ALDH18A1: variants seen among roughly 807,000 people sequenced by gnomAD.
ALDH18A1 encodes the protein delta-1-pyrroline-5-carboxylate synthase.
In ALDH18A1, 44 loss-of-function variants were observed where a neutral mutation model predicts 88.8. That is an observed-to-expected ratio of 0.50 (90% CI 0.39 to 0.64). The LOEUF (loss-of-function observed/expected upper bound fraction) is 0.64, where lower values mean the gene tolerates loss of function less well. ALDH18A1 is among the 30% of genes least tolerant of loss of function. The pLI is 0.00. For synonymous variants in ALDH18A1, 331 were observed against 372.1 expected (o/e 0.89, Z 1.27); for missense variants, 782 against 1,009.5 (o/e 0.77, Z 3.05).
At chr10:95,607,167 T>C (rs909191215) in intron 17 of ALDH18A1, among the ~76,000 whole-genome samples, 3 of 152,230 alleles carry the variant, frequency 2.0e-5, no homozygotes, top group African/African-American at 7.2e-5. Context: ...TGTGGACTCT[T>C]CTTCTGTATT....
chr10:95,614,231 CT>C, intron 13 of ALDH18A1, 70 bp from the exon 14 acceptor site: 2 of 1,490,396 alleles, frequency 1.3e-6, no homozygotes, highest in Non-Finnish European at 1.9e-6. Flanking sequence ...AGCAGCTTCC[CT>C]TTTACAGATA....
At chr10:95,638,330 G>C (rs1043115803) in intron 3 of ALDH18A1, among the ~76,000 whole-genome samples, 1 of 152,180 alleles carries the variant, frequency 6.6e-6, no homozygotes, top group African/African-American at 2.4e-5. Flanking sequence ...GCCTAAGTAA[G>C]ACATTTTTAA....
In ALDH18A1 at chr10:95,613,814, A is replaced by G; in HGVS notation, c.1851T>C (p.Thr617=). ...EYPAACNALE[T]LLIHRDLLRT... ...TGAGCAGATCCCGGTGGATTAACAA[A>G]GTCTCCAAAGCATTACAGGCAGCTG... Residue 617 remains threonine (T), a synonymous_variant, in exon 15 of 18, where the codon ACT becomes ACC. Transcript: ENST00000371224. 6.2e-7 allele frequency: 1 copy of G among 1,614,166 alleles called. No individual in the cohort carries two copies. Among genetic ancestry groups the G allele is most frequent in the South Asian group, 1.1e-5 (1 of 91,082 alleles).
intron 13 of ALDH18A1, among the ~76,000 whole-genome samples, chr10:95,614,635 C>G (rs542095299): frequency 1.2e-4 from 19 of 152,262 alleles, no homozygotes; most frequent in African/African-American, 4.3e-4. Context: ...GCTAGGGAGT[C>G]ATGGTTCTCA....
At chr10:95,641,002 C>G (rs1194706356) in intron 3 of ALDH18A1, among the ~76,000 whole-genome samples, 1 of 152,144 alleles carries the variant, frequency 6.6e-6, no homozygotes. Flanking sequence ...TTGTCTCCTC[C>G]CTGGCCCACA....
At chr10:95,647,283 G>C (rs1172544124) in intron 2 of ALDH18A1, among the ~76,000 whole-genome samples, 1 of 152,164 alleles carries the variant, frequency 6.6e-6, no homozygotes, top group African/African-American at 2.4e-5. Context: ...GAGTAAAAAG[G>C]ACAAGTGTTG....
At chr10:95,644,669 G>A (rs372305762) in intron 2 of ALDH18A1, among the ~76,000 whole-genome samples, 6 of 152,340 alleles carry the variant, frequency 3.9e-5, no homozygotes, top group African/African-American at 1.4e-4. Context: ...CCAGTCGAAA[G>A]ACTACATTTC....
chr10:95,636,918 T>C (rs1035685903), intron 5 of ALDH18A1, among the ~76,000 whole-genome samples, 175 bp downstream of exon 5: 4 of 152,184 alleles, frequency 2.6e-5, no homozygotes, highest in African/African-American at 7.2e-5. Context: ...ACTGATATTA[T>C]CCCCATTTTC....
intron 2 of ALDH18A1, among the ~76,000 whole-genome samples, chr10:95,644,185 G>A (rs2097897097): frequency 6.6e-6 from 1 of 152,166 alleles, no homozygotes; most frequent in Admixed American, 6.5e-5. Context: ...AGCAAAGACA[G>A]TAAAGAACAA....
At chr10:95,617,415 T>C (rs2139555632) in intron 12 of ALDH18A1, among the ~76,000 whole-genome samples, 1 of 152,318 alleles carries the variant, frequency 6.6e-6, no homozygotes. Flanking sequence ...GGCCTTGGAA[T>C]TGTTCTGAGA....
chr10:95,625,094 ATCTTGT>A (rs1304360142), intron 11 of ALDH18A1, among the ~76,000 whole-genome samples: 1 of 152,130 alleles, frequency 6.6e-6, no homozygotes, highest in Non-Finnish European at 1.5e-5. Flanking sequence ...GGGGTTCTCA[ATCTTGT>A]TCTTTTTTGT....
chr10:95,621,298 C>T (rs1213027720), intron 11 of ALDH18A1, 47 bp from the exon 12 acceptor site: 2 of 1,477,960 alleles, frequency 1.4e-6, no homozygotes, highest in African/African-American at 2.8e-5. Context: ...ACCTGGCAGG[C>T]TACAGCTACC....
intron 15 of ALDH18A1, among the ~76,000 whole-genome samples, chr10:95,613,438 AT>A (rs2097839151): frequency 6.6e-6 from 1 of 151,962 alleles, no homozygotes; most frequent in Non-Finnish European, 1.5e-5. Flanking sequence ...AACACCTTGC[AT>A]ATATAAGGTT....
At chr10:95,649,046 A>G (rs1296535820) in intron 2 of ALDH18A1, among the ~76,000 whole-genome samples, 2 of 150,618 alleles carry the variant, frequency 1.3e-5, no homozygotes, top group Non-Finnish European at 2.9e-5. Context: ...TTGGCAAGTC[A>G]TCTTGCAATG....
At chr10:95,650,814 T>A (rs1466903149) in intron 2 of ALDH18A1, among the ~76,000 whole-genome samples, 2 of 148,972 alleles carry the variant, frequency 1.3e-5, no homozygotes, top group Admixed American at 6.7e-5. Context: ...TTCAATAGTT[T>A]AAAAAAAAAA....
At chr10:95,646,461 A>T (rs2097901541) in intron 2 of ALDH18A1, among the ~76,000 whole-genome samples, 1 of 152,118 alleles carries the variant, frequency 6.6e-6, no homozygotes, top group South Asian at 2.1e-4. Context: ...GTCACCACTA[A>T]CAACAAGGTT....
At chr10:95,619,244 C>T (rs576431678) in intron 12 of ALDH18A1, among the ~76,000 whole-genome samples, 2 of 152,172 alleles carry the variant, frequency 1.3e-5, no homozygotes, top group South Asian at 4.1e-4. Context: ...ATGTGAAGGA[C>T]CTCTTCAAGG....
chr10:95,613,616 C>T, intron 15 of ALDH18A1, 126 bp downstream of exon 15: 1 of 1,307,436 alleles, frequency 7.6e-7, no homozygotes, highest in Non-Finnish European at 1.1e-6. Flanking sequence ...TAGCATGGAA[C>T]TTTGTACACA....
At chr10:95,639,113 C>G (rs1010006443) in intron 3 of ALDH18A1, among the ~76,000 whole-genome samples, 1 of 152,060 alleles carries the variant, frequency 6.6e-6, no homozygotes, top group Non-Finnish European at 1.5e-5. Context: ...GGGACGACTG[C>G]TTGAGGCCAG....
Sources: gnomAD v4.1 joint callset for allele counts (sites outside exome capture counted in the v4.1 genomes callset) on GRCh38, gnomAD v4.1.1 for gene constraint, MANE v1.5 for transcripts, NCBI Gene and HGNC (gene_info 2026-07-23, HGNC 2026-07-21) for gene names.